CHD6: variants seen among roughly 807,000 people sequenced by gnomAD.
CHD6 encodes chromodomain helicase DNA binding protein 6.
In CHD6, 50 loss-of-function variants were observed where a neutral mutation model predicts 276.9. The observed-to-expected ratio is 0.18, with a 90% CI of 0.14 to 0.23. The LOEUF (loss-of-function observed/expected upper bound fraction) is 0.23, where lower values mean the gene tolerates loss of function less well. CHD6 is among the 10% of genes least tolerant of loss of function. The pLI is 1.00. For synonymous variants in CHD6, 1,173 were observed against 1,229.3 expected (o/e 0.95, Z 0.96); for missense variants, 2,564 against 3,365.8 (o/e 0.76, Z 5.89).
rs766473396 is a variant in CHD6, at chr20:41,403,617, A to G, written c.*976T>C. The G allele has an allele frequency of 9.4e-7, 1 of 1,062,204 alleles. No homozygotes were observed. Among genetic ancestry groups the G allele is most frequent in the Admixed American group, 5.4e-5 (1 of 18,626 alleles). The allele number at this position is 1,062,204 out of a possible 1,614,324, so 65.8% of individuals were successfully genotyped here. On this transcript the variant is annotated 3_prime_UTR_variant, in exon 37 of 37. Transcript: ENST00000373233. ...ATCAAAGGACCTACTAGCAAGTGTC[A>G]AAGTGTTGGGCAACTGTCTTCTTGC...
At chr20:41,594,274 C>T (rs2045694748) in intron 1 of CHD6, among the ~76,000 whole-genome samples, 1 of 152,224 alleles carries the variant, frequency 6.6e-6, no homozygotes, top group African/African-American at 2.4e-5. Flanking sequence ...AAAGTGGTCA[C>T]ATCCCATGGC....
At chr20:41,434,255 AAGT>A (rs1322888676) in intron 27 of CHD6, among the ~76,000 whole-genome samples, 1 of 152,228 alleles carries the variant, frequency 6.6e-6, no homozygotes, top group African/African-American at 2.4e-5. Flanking sequence ...AATCAAGGGA[AAGT>A]AGCCATATTA....
chr20:41,514,892 A>G lies in CHD6; in HGVS notation c.615T>C (p.Thr205=). 1 of 1,614,008 alleles carries G rather than the reference A, an allele frequency of 6.2e-7. No homozygotes were observed. Among genetic ancestry groups the G allele is most frequent in the South Asian group, 1.1e-5 (1 of 91,080 alleles). Residue 205 remains threonine (T), a synonymous_variant, in exon 4 of 37, where the codon ACT becomes ACC. Transcript: ENST00000373233. ...GATCCAGCTCTAAACTCTCCACTGT[A>G]GTTTCACTTTTCCTTTTTCCTTTCT... The part of the protein sequence containing the change: ...KKKKGKRKSE[T]TVESLELDQG...
Position 41,404,282 on chromosome 20 carries a change from G to A in CHD6, c.*311C>T, listed in dbSNP as rs746715474. On this transcript the variant is annotated 3_prime_UTR_variant, in exon 37 of 37. Coordinates refer to ENST00000373233, the MANE Select transcript of CHD6 (RefSeq NM_032221.5). ...CTTTTGCCATTTTTCCTCCTCAAGT[G>A]AGTGGGAAACTTGGAAGAGAAGGGG... The A allele has an allele frequency of 6.3e-6, 7 of 1,106,826 alleles. No homozygotes were observed. Among genetic ancestry groups the A allele is most frequent in the Non-Finnish European group, 7.7e-6 (7 of 907,866 alleles). The allele number at this position is 1,106,826 out of a possible 1,614,324, so 68.6% of individuals were successfully genotyped here. A position where few individuals can be genotyped will look rare whatever the true frequency, so the allele number is the denominator to read the frequency against.
intron 17 of CHD6, among the ~76,000 whole-genome samples, chr20:41,461,551 C>G (rs775654436): frequency 2.6e-5 from 4 of 152,150 alleles, no homozygotes; most frequent in Non-Finnish European, 5.9e-5. Flanking sequence ...TTTCTCTTGC[C>G]GCTTCCATGT....
At chr20:41,579,215 T>C (rs1246717429) in intron 1 of CHD6, among the ~76,000 whole-genome samples, 2 of 139,726 alleles carry the variant, frequency 1.4e-5, no homozygotes, top group African/African-American at 5.5e-5. Flanking sequence ...GGTGGGCTGA[T>C]CACGAGGTCA....
chr20:41,540,608 C>CTTTG (rs2044922305), intron 2 of CHD6, among the ~76,000 whole-genome samples: 1 of 152,200 alleles, frequency 6.6e-6, no homozygotes, highest in Non-Finnish European at 1.5e-5. Context: ...AAAGTGTGCA[C>CTTTG]TTTGCACCTG....
Position 41,404,156 on chromosome 20 carries a change from G to C in CHD6, c.*437C>G. 9.4e-7 allele frequency: 1 copy of C among 1,060,628 alleles called. No individual in the cohort carries two copies. Among genetic ancestry groups the C allele is most frequent in the Non-Finnish European group, 1.1e-6 (1 of 877,058 alleles). The allele number at this position is 1,060,628 out of a possible 1,614,324, so 65.7% of individuals were successfully genotyped here. A position where few individuals can be genotyped will look rare whatever the true frequency, so the allele number is the denominator to read the frequency against. ...GCACTTCCTTTTTCTGTGCTTTTTG[G>C]TTCCCTGTGACATTCTTCCTGTGCA... On this transcript the variant is annotated 3_prime_UTR_variant, in exon 37 of 37. Transcript: ENST00000373233.
At chr20:41,506,797 T>C (rs571675029) in intron 5 of CHD6, among the ~76,000 whole-genome samples, 3 of 152,332 alleles carry the variant, frequency 2.0e-5, no homozygotes, top group South Asian at 4.1e-4. Flanking sequence ...AGGGCAGGAA[T>C]TTCTGTCCCT....
chr20:41,405,350 A>C lies in CHD6; in HGVS notation c.7391T>G (p.Met2464Arg), dbSNP rs1385567364. The C allele has an allele frequency of 1.2e-6, 2 of 1,614,226 alleles. No individual in the cohort carries two copies. Among genetic ancestry groups the C allele is most frequent in the Admixed American group, 1.7e-5 (1 of 60,030 alleles). The change falls in exon 37 of 37, where the codon ATG (methionine) becomes AGG (arginine). Residue 2464 changes from methionine to arginine, a missense_variant. By Grantham distance (91) the Met-to-Arg change is moderately conservative (BLOSUM62 -1). Coordinates refer to ENST00000373233, the MANE Select transcript of CHD6 (RefSeq NM_032221.5). ...CAGTCCATTCATGAACAGTGGCCCC[A>C]TTCCAGAGGGAGAGTCTGCCACAAT... ...PSIVADSPSG[M>R]GPLFMNGLIA...
At chr20:41,432,813 T>C (rs528993263) in intron 27 of CHD6, among the ~76,000 whole-genome samples, 1 of 152,236 alleles carries the variant, frequency 6.6e-6, no homozygotes, top group East Asian at 1.9e-4. Context: ...CAGTCATCAG[T>C]GAGCCATTCT....
intron 1 of CHD6, among the ~76,000 whole-genome samples, chr20:41,591,519 C>T (rs573326462): frequency 1.3e-5 from 2 of 151,526 alleles, no homozygotes; most frequent in Non-Finnish European, 2.9e-5. Context: ...GAAGAAACTC[C>T]GTCTCTACTA....
chr20:41,424,983 G>C (rs926014750), intron 29 of CHD6, among the ~76,000 whole-genome samples, 195 bp downstream of exon 29: 3 of 152,218 alleles, frequency 2.0e-5, no homozygotes, highest in Non-Finnish European at 4.4e-5. Flanking sequence ...TGTAAAGACA[G>C]GGTGTTCCTA....
intron 1 of CHD6, among the ~76,000 whole-genome samples, chr20:41,591,882 A>T (rs1284391940): frequency 1.3e-5 from 2 of 152,134 alleles, no homozygotes; most frequent in African/African-American, 2.4e-5. Flanking sequence ...GGCAGATCAC[A>T]AGGTCAGGAG....
chr20:41,529,348 C>A (rs192530899), intron 3 of CHD6, among the ~76,000 whole-genome samples: 1 of 152,048 alleles, frequency 6.6e-6, no homozygotes, highest in Non-Finnish European at 1.5e-5. Flanking sequence ...CAATTAATGA[C>A]GGGAAAAGTA....
intron 1 of CHD6, among the ~76,000 whole-genome samples, chr20:41,580,415 A>T (rs2045523476): frequency 6.6e-6 from 1 of 152,020 alleles, no homozygotes; most frequent in South Asian, 2.1e-4. Context: ...TAATCCTAGC[A>T]CTTAGGGAGG....
intron 17 of CHD6, among the ~76,000 whole-genome samples, chr20:41,470,919 G>T (rs1024673068): frequency 3.3e-5 from 5 of 152,198 alleles, no homozygotes; most frequent in Admixed American, 2.6e-4. Flanking sequence ...ATCGCTTCAG[G>T]CATGTCCAGC....
intron 1 of CHD6, among the ~76,000 whole-genome samples, chr20:41,606,322 T>C (rs1418086025): frequency 1.3e-5 from 2 of 152,106 alleles, no homozygotes; most frequent in Admixed American, 1.3e-4. Flanking sequence ...CCACCCTGGC[T>C]AACACGGTGA....
At chr20:41,462,623 T>C (rs2042827662) in intron 17 of CHD6, among the ~76,000 whole-genome samples, 1 of 152,178 alleles carries the variant, frequency 6.6e-6, no homozygotes, top group African/African-American at 2.4e-5. Flanking sequence ...AAATAAACTC[T>C]GTGGTGCTAG....
Sources: allele counts gnomAD v4.1 joint callset (sites outside exome capture counted in the v4.1 genomes callset), GRCh38; gene constraint gnomAD v4.1.1; transcripts MANE v1.5; gene names NCBI Gene and HGNC (gene_info 2026-07-23, HGNC 2026-07-21).